The following BDNF variants were observed in gnomAD, a reference collection of about 807,000 sequenced individuals.
BDNF encodes the protein brain derived neurotrophic factor, also known as neurotrophic factor BDNF precursor form.
Under a neutral mutation model 19.5 loss-of-function variants are expected in BDNF, and 1 was observed. The observed-to-expected ratio is 0.05, with a 90% CI of 0.02 to 0.24. BDNF has a LOEUF of 0.24. Ranked by LOEUF, BDNF falls within the 10% of genes least tolerant of loss-of-function variation. The pLI, the probability that BDNF is intolerant of heterozygous loss-of-function variation, is 1.00. For missense variants in BDNF, 195 were observed against 317.6 expected (o/e 0.61, Z 2.93); for synonymous variants, 100 against 121.6 (o/e 0.82, Z 1.17).
At chr11:27,668,916 A>C (rs1409715357) in intron 1 of BDNF, among the ~76,000 whole-genome samples, 5 of 152,236 alleles carry the variant, frequency 3.3e-5, no homozygotes, top group African/African-American at 9.6e-5. Context: ...TTATGAGGCC[A>C]GCATCATCCT....
chr11:27,701,988 G>A (rs1470205098), upstream of BDNF, among the ~76,000 whole-genome samples: 8 of 92,400 alleles, frequency 8.7e-5, no homozygotes, highest in African/African-American at 3.4e-4. Flanking sequence ...ACCACTGCCC[G>A]CAGCAAAAGA....
chr11:27,658,798 C>T lies in BDNF; in HGVS notation c.-21-213G>A. The T allele has an allele frequency of 7.0e-7, 1 of 1,437,260 alleles. No individual in the cohort carries two copies. Among genetic ancestry groups the T allele is most frequent in the South Asian group, 1.5e-5 (1 of 65,944 alleles). The allele number at this position is 1,437,260 out of a possible 1,614,324, so 89.0% of individuals were successfully genotyped here. A position where few individuals can be genotyped will look rare whatever the true frequency, so the allele number is the denominator to read the frequency against. On this transcript the variant is annotated intron_variant, in intron 1 of 1. Coordinates refer to ENST00000356660, the MANE Select transcript of BDNF (RefSeq NM_001709.5). The surrounding 1 kb of genome is among the most constrained non-coding windows in gnomAD (Gnocchi z 5.7). ...ATAAACCAGAGACATGCAGTGTTTC[C>T]CCCAAGATCTAGCATATAAACCTGA...
chr11:27,706,789 C>T (rs566483774), intron 1 of BDNF, among the ~76,000 whole-genome samples: 1 of 152,288 alleles, frequency 6.6e-6, no homozygotes, highest in South Asian at 2.1e-4. Flanking sequence ...ATCAGATTGA[C>T]AAATCTTCCC....
chr11:27,685,753 G>A (rs1857397314), intron 1 of BDNF, among the ~76,000 whole-genome samples: 1 of 151,688 alleles, frequency 6.6e-6, no homozygotes, highest in African/African-American at 2.4e-5. Context: ...ATTGCACTTT[G>A]GTCTGAGAGA....
intron 1 of BDNF, among the ~76,000 whole-genome samples, chr11:27,715,465 T>C (rs1860476512): frequency 6.6e-6 from 1 of 152,202 alleles, no homozygotes; most frequent in Non-Finnish European, 1.5e-5. Flanking sequence ...ATGACTTAGA[T>C]GGTATGTCAA....
chr11:27,721,569 A>T (rs1040813617), exon 1 of BDNF: 6 of 802,570 alleles, frequency 7.5e-6, no homozygotes, highest in Admixed American at 7.4e-5. Context: ...GAATCTAATA[A>T]CCCTTTGCAA....
intron 1 of BDNF, among the ~76,000 whole-genome samples, chr11:27,680,099 A>AT (rs1403120734): frequency 1.3e-5 from 2 of 152,116 alleles, no homozygotes; most frequent in Non-Finnish European, 2.9e-5. Flanking sequence ...CTTTTGCACT[A>AT]TTTTTTCAAA....
intron 1 of BDNF, among the ~76,000 whole-genome samples, chr11:27,669,161 T>C (rs1482799469): frequency 2.0e-5 from 3 of 151,846 alleles, no homozygotes; most frequent in Admixed American, 1.3e-4. Flanking sequence ...ACAAAAACCA[T>C]GATTATCTCA....
At chr11:27,707,655 T>C (rs1860162377) in intron 1 of BDNF, among the ~76,000 whole-genome samples, 1 of 152,076 alleles carries the variant, frequency 6.6e-6, no homozygotes, top group South Asian at 2.1e-4. Context: ...ATAGGACAAA[T>C]ATAATGTTTC....
intron 1 of BDNF, chr11:27,690,990 C>T (rs1260809442): frequency 1.3e-5 from 2 of 151,932 alleles, no homozygotes; most frequent in African/African-American, 4.8e-5. Flanking sequence ...GCTATAGAGT[C>T]ATTGTTAAAA....
At chr11:27,695,251 C>T (rs1044024394) in intron 1 of BDNF, among the ~76,000 whole-genome samples, 1 of 151,986 alleles carries the variant, frequency 6.6e-6, no homozygotes, top group Non-Finnish European at 1.5e-5. Flanking sequence ...TGGAACTGCC[C>T]GTTTATTTTC....
At chr11:27,674,294 C>A in intron 1 of BDNF, 1 of 1,554,430 alleles carries the variant, frequency 6.4e-7, no homozygotes, top group South Asian at 1.2e-5. Context: ...TCCAGTTGTC[C>A]TTCGGGTTAT....
At chr11:27,717,440 C>G (rs1167085082) in intron 1 of BDNF, among the ~76,000 whole-genome samples, 2 of 152,140 alleles carry the variant, frequency 1.3e-5, no homozygotes, top group African/African-American at 4.8e-5. Flanking sequence ...CTCTTCTATC[C>G]TCCAAAAATT....
intron 1 of BDNF, among the ~76,000 whole-genome samples, chr11:27,699,844 GC>G (rs1353410863): frequency 4.6e-5 from 7 of 152,168 alleles, no homozygotes; most frequent in African/African-American, 1.7e-4. Flanking sequence ...CTACTCCTGG[GC>G]TGGGGGAGGG....
At chr11:27,699,516 G>T in intron 1 of BDNF, 1 of 1,610,664 alleles carries the variant, frequency 6.2e-7, no homozygotes, top group Non-Finnish European at 8.5e-7. Flanking sequence ...GCGCAGGATG[G>T]GTAGAGATGT....
intron 1 of BDNF, among the ~76,000 whole-genome samples, chr11:27,669,019 T>G (rs11030105): frequency 0.19 from 28,302 of 152,228 alleles, 3,089 homozygotes; most frequent in Non-Finnish European, 0.25. Context: ...AGTAAAATAC[T>G]GGCAAACCGA....
At chr11:27,710,634 A>G (rs1369219978) in intron 1 of BDNF, among the ~76,000 whole-genome samples, 3 of 152,210 alleles carry the variant, frequency 2.0e-5, no homozygotes, top group Admixed American at 2.0e-4. Flanking sequence ...GTGCTTGTCC[A>G]TCCTCTTCTT....
intron 1 of BDNF, among the ~76,000 whole-genome samples, chr11:27,714,490 C>T (rs1003214172): frequency 9.2e-5 from 14 of 152,252 alleles, no homozygotes; most frequent in African/African-American, 3.4e-4. Flanking sequence ...ATCGCACCAC[C>T]TGCTTTTAAA....
At chr11:27,707,311 G>A (rs1860149445) in intron 1 of BDNF, among the ~76,000 whole-genome samples, 1 of 152,144 alleles carries the variant, frequency 6.6e-6, no homozygotes, top group East Asian at 1.9e-4. Flanking sequence ...AACCCAATGA[G>A]ACCAAATCAT....
Sources: allele counts gnomAD v4.1 joint callset (sites outside exome capture counted in the v4.1 genomes callset), GRCh38; gene constraint gnomAD v4.1.1; non-coding constraint Gnocchi (gnomAD v3.1); transcripts MANE v1.5; gene names NCBI Gene and HGNC (gene_info 2026-07-23, HGNC 2026-07-21).